The following ROBO2 variants were observed in gnomAD, a reference collection of about 807,000 sequenced individuals.
ROBO2 encodes roundabout homolog 2.
ROBO2 carries 53 observed loss-of-function variants against 160.8 expected under a neutral mutation model. The ratio of observed to expected loss-of-function variants is 0.33; its 90% CI spans 0.26 to 0.41. The LOEUF (loss-of-function observed/expected upper bound fraction) is 0.41. ROBO2 is among the 10% of genes least tolerant of loss of function. The probability of loss-of-function intolerance (pLI) is 1.00; values close to 1 mark genes in which losing one functional copy is unlikely to be tolerated. For synonymous variants in ROBO2, 664 were observed against 611.7 expected (o/e 1.09, Z -1.26); for missense variants, 1,577 against 1,722.4 (o/e 0.92, Z 1.49).
At chr3:76,618,329 G>A (rs1416635898) in intron 2 of ROBO2, among the ~76,000 whole-genome samples, 1 of 151,410 alleles carries the variant, frequency 6.6e-6, no homozygotes, top group Non-Finnish European at 1.5e-5. Context: ...ATAAAGCCTA[G>A]TAATTTATAG....
intron 2 of ROBO2, among the ~76,000 whole-genome samples, chr3:76,765,715 G>A (rs1260537685): frequency 1.3e-5 from 2 of 151,532 alleles, no homozygotes; most frequent in South Asian, 2.1e-4. Context: ...AAATCATTAC[G>A]GATGTCCAGT....
chr3:76,878,239 A>AT (rs2072975621), intron 2 of ROBO2, among the ~76,000 whole-genome samples: 1 of 152,134 alleles, frequency 6.6e-6, no homozygotes, highest in Admixed American at 6.5e-5. Flanking sequence ...GAAATGTTTT[A>AT]CCTCTGGCTG....
intron 2 of ROBO2, among the ~76,000 whole-genome samples, chr3:77,186,626 G>A (rs1212348328): frequency 6.6e-6 from 1 of 151,850 alleles, no homozygotes; most frequent in Non-Finnish European, 1.5e-5. Context: ...TGAGAGAATT[G>A]CTTTTAATAG....
intron 2 of ROBO2, among the ~76,000 whole-genome samples, chr3:76,763,083 A>G (rs2061393024): frequency 6.6e-6 from 1 of 151,744 alleles, no homozygotes; most frequent in Non-Finnish European, 1.5e-5. Flanking sequence ...TTTGTTAAAC[A>G]AAGGCAATAA....
At chr3:77,069,007 C>T (rs1005887790) in intron 1 of ROBO2, among the ~76,000 whole-genome samples, 4 of 152,080 alleles carry the variant, frequency 2.6e-5, no homozygotes, top group African/African-American at 7.2e-5. Context: ...TTGAGCATGG[C>T]CACGCTCAAT....
intron 13 of ROBO2, among the ~76,000 whole-genome samples, chr3:77,570,257 T>C (rs1346447806): frequency 6.6e-6 from 1 of 152,040 alleles, no homozygotes; most frequent in Non-Finnish European, 1.5e-5. Context: ...AGTTAATCAC[T>C]TTAAAGTCAC....
chr3:76,015,261 G>A (rs2066374373), intron 2 of ROBO2, among the ~76,000 whole-genome samples: 1 of 152,074 alleles, frequency 6.6e-6, no homozygotes, highest in Non-Finnish European at 1.5e-5. Context: ...AAGTTCAGAG[G>A]AAGTCATATG....
chr3:77,163,368 A>G (rs1443557425), intron 2 of ROBO2, among the ~76,000 whole-genome samples: 1 of 152,218 alleles, frequency 6.6e-6, no homozygotes, highest in Non-Finnish European at 1.5e-5. Flanking sequence ...ATTTCTATTC[A>G]TTCATGTAAG....
intron 25 of ROBO2, among the ~76,000 whole-genome samples, chr3:77,645,843 A>G (rs1163792694): frequency 6.6e-6 from 1 of 152,070 alleles, no homozygotes; most frequent in Non-Finnish European, 1.5e-5. Context: ...AAATAGTTCT[A>G]CTGGGTGTTT....
intron 2 of ROBO2, among the ~76,000 whole-genome samples, chr3:77,395,563 G>A (rs2075192219): frequency 6.6e-6 from 1 of 152,050 alleles, no homozygotes; most frequent in Non-Finnish European, 1.5e-5. Context: ...AATGCCCAAG[G>A]TCCAGCCTGA....
intron 2 of ROBO2, among the ~76,000 whole-genome samples, chr3:77,333,471 A>C (rs2066183009): frequency 6.6e-6 from 1 of 152,226 alleles, no homozygotes; most frequent in African/African-American, 2.4e-5. Flanking sequence ...GTGAATAAAA[A>C]TATATGCCTA....
At position 77,488,044 on chromosome 3, in the gene ROBO2, T is replaced by C. The variant is rs1175873947; in HGVS notation, c.668-5200T>C. The stretch of plus-strand genomic sequence containing the variant: ...TTATGGTATTTTGTGTTAAATTGTA[T>C]ATTTGCTTTCTGAATATTTTTGACA... On this transcript the variant is annotated intron_variant, in intron 4 of 25. Transcript: ENST00000461745. Among the ~76,000 whole-genome samples, 20 of 152,190 alleles carry C rather than the reference T, an allele frequency of 1.3e-4. 1 individual carries two copies. The highest frequency in any genetic ancestry group is 2.9e-5 in the Non-Finnish European group (2 of 68,016).
intron 2 of ROBO2, among the ~76,000 whole-genome samples, chr3:76,134,653 C>G (rs1050511464): frequency 7.9e-5 from 12 of 152,030 alleles, no homozygotes; most frequent in African/African-American, 2.9e-4. Flanking sequence ...GACCCCAGCC[C>G]TAGCTGACAC....
intron 1 of ROBO2, among the ~76,000 whole-genome samples, chr3:77,072,828 C>T (rs1007639896): frequency 9.9e-5 from 15 of 152,098 alleles, no homozygotes; most frequent in Admixed American, 3.9e-4. Context: ...TTTGTGGTTA[C>T]GTCTTATATT....
chr3:76,398,985 C>G (rs556126650), intron 2 of ROBO2, among the ~76,000 whole-genome samples: 1 of 151,750 alleles, frequency 6.6e-6, no homozygotes, highest in Non-Finnish European at 1.5e-5. Context: ...CTAAATTACA[C>G]ACAAATAATA....
At chr3:76,380,453 A>C (rs529245841) in intron 2 of ROBO2, among the ~76,000 whole-genome samples, 25 of 152,300 alleles carry the variant, frequency 1.6e-4, no homozygotes, top group African/African-American at 5.8e-4. Flanking sequence ...TTGAACTATG[A>C]GGGTGCACTC....
At chr3:77,565,241 C>T in intron 12 of ROBO2, 121 bp downstream of exon 13, 2 of 1,124,576 alleles carry the variant, frequency 1.8e-6, no homozygotes, top group Non-Finnish European at 2.7e-6. Flanking sequence ...GCTCACTAGG[C>T]TTTATCCAGG....
chr3:76,722,044 T>G (rs887445872), intron 2 of ROBO2, among the ~76,000 whole-genome samples: 6 of 152,120 alleles, frequency 3.9e-5, no homozygotes, highest in Non-Finnish European at 7.4e-5. Flanking sequence ...GGTTTCCAGG[T>G]TAATAGTAAT....
chr3:76,271,493 G>A (rs1439733563), intron 2 of ROBO2, among the ~76,000 whole-genome samples: 1 of 149,638 alleles, frequency 6.7e-6, no homozygotes, highest in Non-Finnish European at 1.5e-5. Context: ...ATTCACATAT[G>A]TTTAATATTA....
Sources: allele counts gnomAD v4.1 joint callset (sites outside exome capture counted in the v4.1 genomes callset), GRCh38; gene constraint gnomAD v4.1.1; transcripts MANE v1.5; gene names NCBI Gene and HGNC (gene_info 2026-07-23, HGNC 2026-07-21).